The following SH3BP5 variants were observed in gnomAD, a reference collection of about 807,000 sequenced individuals.
The protein encoded by SH3BP5 is SH3 domain binding protein 5.
In SH3BP5, 22 loss-of-function variants were observed where a neutral mutation model predicts 43.3. The ratio of observed to expected loss-of-function variants is 0.51; its 90% CI spans 0.36 to 0.73. The LOEUF is 0.73. SH3BP5 is among the 30% of genes least tolerant of loss of function. The probability of loss-of-function intolerance (pLI) is 0.00; values close to 1 mark genes in which losing one functional copy is unlikely to be tolerated. For missense variants in SH3BP5, 529 were observed against 586.9 expected (o/e 0.90, Z 1.02); for synonymous variants, 255 against 225.8 (o/e 1.13, Z -1.16).
intron 2 of SH3BP5, among the ~76,000 whole-genome samples, chr3:15,312,944 C>T (rs1455098829): frequency 6.6e-6 from 1 of 152,040 alleles, no homozygotes; most frequent in African/African-American, 2.4e-5. Flanking sequence ...AGGCTATTTC[C>T]TTTTCAAACT....
intron 4 of SH3BP5, 59 bp from the exon 5 acceptor site, chr3:15,262,348 T>C: frequency 1.3e-6 from 2 of 1,555,906 alleles, no homozygotes; most frequent in Non-Finnish European, 1.7e-6. Flanking sequence ...GCTTGGAATA[T>C]TACTTATATT....
intron 2 of SH3BP5, among the ~76,000 whole-genome samples, chr3:15,319,421 G>A (rs1698265657): frequency 1.3e-5 from 2 of 152,198 alleles, no homozygotes; most frequent in African/African-American, 4.8e-5. Flanking sequence ...GAAAGTATAT[G>A]TCCTATGGGC....
chr3:15,262,093 A>C (rs1188779601), intron 5 of SH3BP5, 66 bp downstream of exon 5: 14 of 1,590,044 alleles, frequency 8.8e-6, no homozygotes, highest in Non-Finnish European at 1.0e-5. Flanking sequence ...TGTGACATAC[A>C]AAAGGCTGAG....
At chr3:15,318,343 T>C (rs1258359183) in intron 2 of SH3BP5, among the ~76,000 whole-genome samples, 1 of 152,088 alleles carries the variant, frequency 6.6e-6, no homozygotes, top group Non-Finnish European at 1.5e-5. Context: ...TTAACAGCCC[T>C]GGTAAGACAG....
chr3:15,339,502 A>G (rs1698738714), intron 1 of SH3BP5, among the ~76,000 whole-genome samples: 1 of 152,134 alleles, frequency 6.6e-6, no homozygotes, highest in Admixed American at 6.6e-5. Flanking sequence ...ACCTGAGGTC[A>G]GGAGTTTGAG....
In SH3BP5 at chr3:15,259,269, T is replaced by C. The variant is rs1458051764; in HGVS notation, c.670-219A>G. The C allele has an allele frequency of 2.0e-5, 12 of 595,280 alleles. No homozygotes were observed. The South Asian group carries it at 2.4e-4, about 12-fold the overall frequency. The allele number at this position is 595,280 out of a possible 1,614,324, so 36.9% of individuals were successfully genotyped here. ...CCCATCCAGGTGACAACCTCTAATA[T>C]CCAAAAACTCTCACTGGTGGAACAA... On this transcript the variant is annotated intron_variant, in intron 6 of 8. Coordinates refer to ENST00000383791, the MANE Select transcript of SH3BP5 (RefSeq NM_004844.5).
At chr3:15,334,618 A>G (rs1698679822), upstream of SH3BP5, among the ~76,000 whole-genome samples, 1 of 152,016 alleles carries the variant, frequency 6.6e-6, no homozygotes, top group African/African-American at 2.4e-5. Context: ...TTTGCATTGT[A>G]TTAGGTATTG....
chr3:15,290,232 A>C (rs1218921482), intron 3 of SH3BP5, among the ~76,000 whole-genome samples: 2 of 151,992 alleles, frequency 1.3e-5, no homozygotes, highest in Non-Finnish European at 2.9e-5. Context: ...GTCTCTTCTA[A>C]AAATACAAAA....
intron 3 of SH3BP5, chr3:15,275,665 T>C (rs574453049): frequency 4.7e-4 from 72 of 152,282 alleles, no homozygotes; most frequent in African/African-American, 1.7e-3. Context: ...AAATGTTAAA[T>C]ACCTTCATGA....
intron 2 of SH3BP5, among the ~76,000 whole-genome samples, chr3:15,308,471 C>A (rs963417931): frequency 6.6e-6 from 1 of 152,186 alleles, no homozygotes; most frequent in Non-Finnish European, 1.5e-5. Context: ...ACTACTTACA[C>A]ACGTTGAGCA....
chr3:15,340,032 A>C (rs1698747463), intron 1 of SH3BP5, among the ~76,000 whole-genome samples: 1 of 152,194 alleles, frequency 6.6e-6, no homozygotes, highest in Non-Finnish European at 1.5e-5. Context: ...CCCGAGAAGA[A>C]AAATGACTCA....
At chr3:15,266,061 A>G (rs561148504) in intron 4 of SH3BP5, among the ~76,000 whole-genome samples, 82 of 152,244 alleles carry the variant, frequency 5.4e-4, no homozygotes, top group East Asian at 2.1e-3. Context: ...TCCAATCTCC[A>G]GGGCCTTTGC....
chr3:15,314,267 G>C (rs1698131489), intron 2 of SH3BP5, among the ~76,000 whole-genome samples: 1 of 151,930 alleles, frequency 6.6e-6, no homozygotes, highest in Admixed American at 6.5e-5. Context: ...GCTGCGTGTG[G>C]CTAGTGGCTG....
At chr3:15,332,823 C>A (rs79079879), upstream of SH3BP5, among the ~76,000 whole-genome samples, 21,470 of 152,134 alleles carry the variant, frequency 0.14, 1,767 homozygotes, top group South Asian at 0.31. Context: ...TTTCGGGAGT[C>A]CCCTCCTCCA....
chr3:15,296,817 C>T (rs1697587708), intron 3 of SH3BP5, among the ~76,000 whole-genome samples: 1 of 149,352 alleles, frequency 6.7e-6, no homozygotes, highest in Admixed American at 6.7e-5. Flanking sequence ...CCTCAGCCTC[C>T]TAAGTAGCTA....
chr3:15,340,445 G>T lies in SH3BP5; in HGVS notation c.-402+778C>A, dbSNP rs540598619. 1.4e-4 allele frequency among the ~76,000 whole-genome samples: 22 copies of T among 152,174 alleles called. No homozygotes were observed. The South Asian group carries it at 4.4e-3, about 30-fold the overall frequency. On this transcript the variant is annotated intron_variant, in intron 1 of 8. Coordinates refer to the SH3BP5 transcript ENST00000408919. ...GCTCTAGTGGAGCTTATAGTCCAAG[G>T]GAAGACAGACAAATGGTTAAATACA...
upstream of SH3BP5, among the ~76,000 whole-genome samples, chr3:15,334,315 G>A (rs17041032): frequency 0.055 from 8,295 of 152,138 alleles, 275 homozygotes; most frequent in African/African-American, 0.095. Context: ...ATAAACCACA[G>A]GCAGTACTAT....
intron 4 of SH3BP5, among the ~76,000 whole-genome samples, chr3:15,264,984 T>C (rs1696580924): frequency 2.0e-5 from 3 of 152,030 alleles, no homozygotes; most frequent in Admixed American, 6.6e-5. Context: ...AAGAGTCCCC[T>C]GTAAGAAGCA....
chr3:15,264,403 GA>G (rs1462579564), intron 4 of SH3BP5: 1 of 151,848 alleles, frequency 6.6e-6, no homozygotes, highest in African/African-American at 2.4e-5. Context: ...GGTTTTCTAT[GA>G]GTTTGTATTT....
Sources: allele counts gnomAD v4.1 joint callset (sites outside exome capture counted in the v4.1 genomes callset), GRCh38; gene constraint gnomAD v4.1.1; transcripts MANE v1.5; gene names NCBI Gene and HGNC (gene_info 2026-07-23, HGNC 2026-07-21).